The following NSD3 variants were observed in gnomAD, a reference collection of about 807,000 sequenced individuals.
NSD3 encodes histone-lysine N-methyltransferase NSD3.
A neutral mutation model predicts 160.8 loss-of-function variants in NSD3; 24 were observed. The ratio of observed to expected loss-of-function variants is 0.15; its 90% CI spans 0.11 to 0.21. The LOEUF (loss-of-function observed/expected upper bound fraction) is 0.21. NSD3 is among the 10% of genes least tolerant of loss of function. The pLI is 1.00. For missense variants in NSD3, 1,157 were observed against 1,735.9 expected (o/e 0.67, Z 5.93); for synonymous variants, 520 against 600.0 (o/e 0.87, Z 1.95).
At chr8:38,284,714 C>A (rs1808818334) in intron 19 of NSD3, among the ~76,000 whole-genome samples, 1 of 152,188 alleles carries the variant, frequency 6.6e-6, no homozygotes, top group Non-Finnish European at 1.5e-5. Context: ...AGTGGAAACT[C>A]ATAGAGGAGA....
chr8:38,359,584 G>A (rs904092660), intron 1 of NSD3, among the ~76,000 whole-genome samples: 2 of 152,112 alleles, frequency 1.3e-5, no homozygotes, highest in African/African-American at 4.8e-5. Flanking sequence ...TACCAAAAAG[G>A]AAATGAACAA....
At chr8:38,277,994 A>C (rs1378038978) in intron 22 of NSD3, among the ~76,000 whole-genome samples, 1 of 149,492 alleles carries the variant, frequency 6.7e-6, no homozygotes, top group Admixed American at 6.7e-5. Context: ...GCTGGAGTGC[A>C]GTGGTGCGAT....
At chr8:38,277,734 A>G (rs1481746470) in intron 22 of NSD3, among the ~76,000 whole-genome samples, 2 of 152,190 alleles carry the variant, frequency 1.3e-5, no homozygotes, top group Non-Finnish European at 2.9e-5. Context: ...GGGTTTTTAA[A>G]AAGTTTTAAA....
At chr8:38,344,298 G>T (rs374933587) in intron 2 of NSD3, among the ~76,000 whole-genome samples, 1 of 152,126 alleles carries the variant, frequency 6.6e-6, no homozygotes, top group Admixed American at 6.6e-5. Flanking sequence ...TTCAGACAGA[G>T]TCTCATTCTG....
rs867851603 is a variant in NSD3, at chr8:38,318,695, T to C, written c.1855+200A>G. On this transcript the variant is annotated intron_variant, in intron 9 of 23. Transcript: ENST00000317025. This position sits in a 1 kb window ranked among gnomAD's most constrained non-coding sequence, Gnocchi z 5.3. ...GTGTTCTCCAATTTACCAAAACAAG[T>C]AAGACTTTTCACGTGGAGGTACAGA... is the stretch of plus-strand genomic sequence containing the variant. Among the ~76,000 whole-genome samples the C allele has an allele frequency of 1.3e-5, 2 of 152,248 alleles. No individual in the cohort carries two copies. Among genetic ancestry groups the C allele is most frequent in the Non-Finnish European group, 1.5e-5 (1 of 68,008 alleles).
chr8:38,361,624 G>A (rs1448129738), intron 1 of NSD3, among the ~76,000 whole-genome samples: 1 of 151,752 alleles, frequency 6.6e-6, no homozygotes, highest in African/African-American at 2.4e-5. Context: ...GCGTGGTGGC[G>A]TGCGCCTGTA....
At chr8:38,279,169 A>G (rs1808679135) in intron 21 of NSD3, among the ~76,000 whole-genome samples, 1 of 152,262 alleles carries the variant, frequency 6.6e-6, no homozygotes, top group African/African-American at 2.4e-5. Flanking sequence ...TGCTGTTAAC[A>G]CAAGCTCATT....
intron 1 of NSD3, among the ~76,000 whole-genome samples, chr8:38,369,750 C>G (rs1251143694): frequency 6.6e-6 from 1 of 152,074 alleles, no homozygotes; most frequent in Non-Finnish European, 1.5e-5. Context: ...CTCCTTGACT[C>G]TTGCCCTATA....
intron 22 of NSD3, 23 bp downstream of exon 22, chr8:38,278,283 G>A: frequency 6.2e-7 from 1 of 1,608,370 alleles, no homozygotes; most frequent in Non-Finnish European, 8.5e-7. Flanking sequence ...TGTTGACTGG[G>A]GGCGCTCCCC....
rs777904137 is a variant in NSD3 at position 38,290,583 on chromosome 8, C to G, written c.3010G>C (p.Gly1004Arg). 1 of 1,614,102 alleles carries G rather than the reference C, an allele frequency of 6.2e-7. No homozygotes were observed. The highest frequency in any genetic ancestry group is 1.1e-5 in the South Asian group (1 of 91,076). Residue 1004 changes from glycine (G) to arginine (R), a missense_variant, in exon 17 of 24, where the codon GGT (glycine) becomes CGT (arginine). Gly to Arg is a moderately radical substitution (Grantham distance 125). Around this residue, in one of 10 missense-constraint regions of NSD3, gnomAD observed 437 missense variants for 576.6 expected, o/e 0.76. Transcript: ENST00000317025. The stretch of plus-strand genomic sequence containing the variant: ...TGTACCCAGTAGTAGTCATGAGAAC[C>G]AAAGAAGAATACAGGGAAGTCCCCC... ...DLGDFPVFFF[G>R]SHDYYWVHQG...
chr8:38,314,910 G>A, intron 11 of NSD3, 137 bp from the exon 12 acceptor site: 2 of 829,302 alleles, frequency 2.4e-6, no homozygotes, highest in East Asian at 2.7e-5. Context: ...CCCCAAGAAT[G>A]TGCATTTCTA....
At chr8:38,380,389 G>A (rs1171398543) in intron 1 of NSD3, among the ~76,000 whole-genome samples, 1 of 152,144 alleles carries the variant, frequency 6.6e-6, no homozygotes, top group African/African-American at 2.4e-5. Flanking sequence ...AAGAGCACAG[G>A]CCCAAGTAAA....
At chr8:38,333,858 A>T (rs1810136433) in intron 4 of NSD3, among the ~76,000 whole-genome samples, 1 of 152,144 alleles carries the variant, frequency 6.6e-6, no homozygotes, top group South Asian at 2.1e-4. Flanking sequence ...TGGGCGACAG[A>T]GCGAGACTCC....
Position 38,329,699 on chromosome 8 carries a change from T to C in NSD3, c.1260A>G (p.Arg420=). 6.2e-7 allele frequency: 1 copy of C among 1,614,232 alleles called. No homozygotes were observed. The highest frequency in any genetic ancestry group is 8.5e-7 in the Non-Finnish European group (1 of 1,180,038). The change falls in exon 6 of 24, where the codon CGA becomes CGG. Residue 420 remains arginine, a synonymous_variant. Transcript: ENST00000317025. This position sits in a 1 kb window ranked among gnomAD's most constrained non-coding sequence, Gnocchi z 4.8. Reference sequence around the variant, plus strand: ...GAGTATTCAGCACAGATCTTGGTCGTCGGGTTTTTTTAACTTCGGTTTTGG... The same window carrying C: ...GAGTATTCAGCACAGATCTTGGTCGCCGGGTTTTTTTAACTTCGGTTTTGG... The part of the protein sequence containing the change: ...VASKTEVKKT[R]RPRSVLNTQP...
chr8:38,353,092 A>G (rs1480224281), intron 1 of NSD3, among the ~76,000 whole-genome samples: 1 of 152,208 alleles, frequency 6.6e-6, no homozygotes, highest in Non-Finnish European at 1.5e-5. Context: ...AAATAGAGGC[A>G]CAGAGAAGTT....
chr8:38,306,168 TA>T (rs1369056635), intron 12 of NSD3, among the ~76,000 whole-genome samples: 1 of 151,564 alleles, frequency 6.6e-6, no homozygotes, highest in African/African-American at 2.4e-5. Flanking sequence ...GTAAGAATAA[TA>T]AAAAAAGGAG....
intron 1 of NSD3, among the ~76,000 whole-genome samples, chr8:38,367,585 G>A (rs531963762): frequency 6.6e-6 from 1 of 152,216 alleles, no homozygotes; most frequent in African/African-American, 2.4e-5. Flanking sequence ...GGTGGTGCAT[G>A]CCTGTGGTCC....
At chr8:38,315,779 T>C in intron 10 of NSD3, 133 bp downstream of exon 10, 1 of 1,358,654 alleles carries the variant, frequency 7.4e-7, no homozygotes, top group African/African-American at 1.5e-5. Flanking sequence ...GCAAAAGAAT[T>C]AAGACACTCA....
chr8:38,314,859 T>G, intron 11 of NSD3, 86 bp from the exon 12 acceptor site: 1 of 1,422,658 alleles, frequency 7.0e-7, no homozygotes, highest in Non-Finnish European at 9.6e-7. Flanking sequence ...AATTACCGGG[T>G]CCCTCACCCA....
Sources: gnomAD v4.1 joint callset for allele counts (sites outside exome capture counted in the v4.1 genomes callset) on GRCh38, gnomAD v4.1.1 for gene constraint, gnomAD v4.1.1 regional missense constraint, Gnocchi (gnomAD v3.1) non-coding constraint, MANE v1.5 for transcripts, NCBI Gene and HGNC (gene_info 2026-07-23, HGNC 2026-07-21) for gene names.